CDH12: variants seen among roughly 807,000 people sequenced by gnomAD.
CDH12 encodes the protein cadherin-12.
In CDH12, 41 loss-of-function variants were observed where a neutral mutation model predicts 74.1. That is an observed-to-expected ratio of 0.55 (90% confidence interval 0.43 to 0.72). The LOEUF (loss-of-function observed/expected upper bound fraction) is 0.72. Among genes scored for constraint, CDH12 ranks in the 30% least tolerant of loss-of-function variants. The pLI is 0.00. For missense variants in CDH12, 945 were observed against 977.2 expected, an observed-to-expected ratio of 0.97 and a Z score of 0.44; for synonymous variants, 399 against 355.0, an observed-to-expected ratio of 1.12 and a Z score of -1.39.
intron 4 of CDH12, among the ~76,000 whole-genome samples, chr5:22,176,045 A>G (rs1749319570): frequency 6.6e-6 from 1 of 152,156 alleles, no homozygotes. Flanking sequence ...AATCTGCTTT[A>G]ACACGTCTCT....
intron 3 of CDH12, among the ~76,000 whole-genome samples, chr5:22,388,358 G>A (rs1703311): frequency 0.73 from 111,022 of 151,784 alleles, 41,758 homozygotes; most frequent in Non-Finnish European, 0.82. Flanking sequence ...TTAAAGAAAA[G>A]AGTTATGTTG....
intron 3 of CDH12, among the ~76,000 whole-genome samples, chr5:22,273,155 C>T (rs1247656079): frequency 3.9e-5 from 6 of 152,130 alleles, no homozygotes; most frequent in Admixed American, 3.9e-4. Flanking sequence ...GACACAGAGT[C>T]AGACCATAAC....
At chr5:22,122,632 C>T (rs1294201698) in intron 4 of CDH12, among the ~76,000 whole-genome samples, 3 of 152,142 alleles carry the variant, frequency 2.0e-5, no homozygotes, top group African/African-American at 4.8e-5. Context: ...ATGTAAGCAC[C>T]ATGAGAGTCT....
At chr5:21,814,125 C>A (rs911451085) in intron 9 of CDH12, among the ~76,000 whole-genome samples, 1 of 146,128 alleles carries the variant, frequency 6.8e-6, no homozygotes, top group Non-Finnish European at 1.5e-5. Flanking sequence ...AATGATTCAT[C>A]CACCACAGGA....
intron 1 of CDH12, among the ~76,000 whole-genome samples, chr5:22,642,147 A>G (rs773429145): frequency 6.6e-6 from 1 of 152,252 alleles, no homozygotes; most frequent in Non-Finnish European, 1.5e-5. Context: ...AATTTCAAAT[A>G]CTTTTCGACA....
chr5:22,121,942 T>A (rs932901868), intron 4 of CDH12, among the ~76,000 whole-genome samples: 3 of 152,120 alleles, frequency 2.0e-5, no homozygotes, highest in Non-Finnish European at 4.4e-5. Flanking sequence ...TAGGTGCAAT[T>A]ATTGAACAGG....
At chr5:22,302,489 T>G (rs1177185338) in intron 3 of CDH12, among the ~76,000 whole-genome samples, 1 of 152,154 alleles carries the variant, frequency 6.6e-6, no homozygotes, top group Non-Finnish European at 1.5e-5. Context: ...CCGCCTTGGA[T>G]AGGTTGAATT....
At chr5:22,679,093 C>T (rs1741359674) in intron 1 of CDH12, among the ~76,000 whole-genome samples, 1 of 152,094 alleles carries the variant, frequency 6.6e-6, no homozygotes, top group Non-Finnish European at 1.5e-5. Context: ...TTCATAACTA[C>T]AGTACCTTAA....
At chr5:21,906,798 T>C (rs377558735) in intron 6 of CDH12, among the ~76,000 whole-genome samples, 4 of 152,322 alleles carry the variant, frequency 2.6e-5, no homozygotes. Flanking sequence ...GCCTTCTGCC[T>C]TTACTCACAA....
intron 1 of CDH12, among the ~76,000 whole-genome samples, chr5:22,822,022 A>G (rs1749728217): frequency 6.6e-6 from 1 of 152,218 alleles, no homozygotes; most frequent in Non-Finnish European, 1.5e-5. Flanking sequence ...TGGTACTGGT[A>G]CCAAAACAGA....
At chr5:21,923,338 G>T (rs1390503872) in intron 6 of CDH12, among the ~76,000 whole-genome samples, 4 of 151,846 alleles carry the variant, frequency 2.6e-5, no homozygotes, top group Admixed American at 6.6e-5. Context: ...CTCGTGTGTG[G>T]GTGTGTGTGT....
At position 22,809,994 on chromosome 5, in the gene CDH12, T is replaced by C. The variant is rs185453272; in HGVS notation, c.-523+43064A>G. On this transcript the variant is annotated intron_variant, in intron 1 of 14. Transcript: ENST00000382254. ...ATTTTAGTATTATAAAACTCATTTA[T>C]AGTGATAGATTGAATTAACACCTAT... 3.7e-3 allele frequency among the ~76,000 whole-genome samples: 568 copies of C among 152,270 alleles called. 6 individuals carry two copies. The highest frequency in any genetic ancestry group is 0.013 in the African/African-American group (528 of 41,560).
intron 1 of CDH12, among the ~76,000 whole-genome samples, chr5:22,764,467 A>G (rs767616431): frequency 7.2e-5 from 11 of 152,004 alleles, no homozygotes; most frequent in Non-Finnish European, 1.3e-4. Flanking sequence ...TAACTAAATA[A>G]ATACAAAAGT....
intron 1 of CDH12, among the ~76,000 whole-genome samples, chr5:22,629,375 G>A (rs996334898): frequency 4.0e-5 from 6 of 151,878 alleles, no homozygotes; most frequent in African/African-American, 1.5e-4. Context: ...CAAAATACTA[G>A]CAAACTGAAT....
chr5:22,683,454 G>A (rs1741602551), intron 1 of CDH12, among the ~76,000 whole-genome samples: 1 of 152,106 alleles, frequency 6.6e-6, no homozygotes, highest in Non-Finnish European at 1.5e-5. Flanking sequence ...ATAAAAGGAA[G>A]TAAATAATGA....
chr5:22,300,571 GACA>G (rs1194012654), intron 3 of CDH12, among the ~76,000 whole-genome samples: 1 of 152,144 alleles, frequency 6.6e-6, no homozygotes, highest in Non-Finnish European at 1.5e-5. Context: ...AAACGTGAAT[GACA>G]ACAATTTTGA....
At chr5:22,198,879 TTTTATTTA>T (rs57356477) in intron 4 of CDH12, among the ~76,000 whole-genome samples, 28 of 150,292 alleles carry the variant, frequency 1.9e-4, no homozygotes, top group African/African-American at 2.9e-4. Flanking sequence ...CATTTTTTAT[TTTTATTTA>T]TTTATTTATT....
At chr5:21,841,417 A>T (rs1347712498) in intron 8 of CDH12, among the ~76,000 whole-genome samples, 3 of 151,726 alleles carry the variant, frequency 2.0e-5, no homozygotes, top group African/African-American at 7.3e-5. Flanking sequence ...GTGGGACTGT[A>T]AACTAGTTCG....
chr5:22,132,560 T>G (rs2150288658), intron 4 of CDH12, among the ~76,000 whole-genome samples: 1 of 151,322 alleles, frequency 6.6e-6, no homozygotes, highest in Non-Finnish European at 1.5e-5. Flanking sequence ...AACAAACTCC[T>G]TAAGAACAAC....
Sources: allele counts gnomAD v4.1 joint callset (sites outside exome capture counted in the v4.1 genomes callset), GRCh38; gene constraint gnomAD v4.1.1; transcripts MANE v1.5; gene names NCBI Gene and HGNC (gene_info 2026-07-23, HGNC 2026-07-21).